PAPOLG: variants seen among roughly 807,000 people sequenced by gnomAD.
The protein encoded by PAPOLG is poly(A) polymerase gamma, also known as PAP-gamma.
In PAPOLG, 40 loss-of-function variants were observed where a neutral mutation model predicts 99.0. The observed-to-expected ratio is 0.40, with a 90% CI of 0.31 to 0.53. The LOEUF is 0.53. Among genes scored for constraint, PAPOLG ranks in the 20% least tolerant of loss-of-function variants. The pLI is 0.41. For missense variants in PAPOLG, 675 were observed against 884.1 expected, an observed-to-expected ratio of 0.76 and a Z score of 3.00; for synonymous variants, 310 against 299.3, an observed-to-expected ratio of 1.04 and a Z score of -0.37.
chr2:60,763,008 G>T (rs1423750420), intron 3 of PAPOLG, among the ~76,000 whole-genome samples: 2 of 150,680 alleles, frequency 1.3e-5, no homozygotes, highest in Non-Finnish European at 3.0e-5. Flanking sequence ...GCAGTGGCAT[G>T]ATCTCACCTC....
chr2:60,776,514 G>A (rs1671026631), intron 8 of PAPOLG, among the ~76,000 whole-genome samples: 1 of 130,472 alleles, frequency 7.7e-6, no homozygotes, highest in South Asian at 2.7e-4. Flanking sequence ...GGCAACCACC[G>A]CCTCCTGGGT....
intron 15 of PAPOLG, among the ~76,000 whole-genome samples, chr2:60,790,576 G>A (rs1292886010): frequency 6.6e-6 from 1 of 152,172 alleles, no homozygotes; most frequent in Non-Finnish European, 1.5e-5. Context: ...CTTATAAGGC[G>A]TGAAAAGCAC....
chr2:60,758,691 A>G (rs1028182668), intron 1 of PAPOLG, among the ~76,000 whole-genome samples: 3 of 152,126 alleles, frequency 2.0e-5, no homozygotes, highest in South Asian at 4.1e-4. Flanking sequence ...GGCCTCCCAG[A>G]GTACTGGGAT....
intron 8 of PAPOLG, among the ~76,000 whole-genome samples, chr2:60,779,046 C>T (rs958715445): frequency 6.6e-6 from 1 of 151,158 alleles, no homozygotes; most frequent in Non-Finnish European, 1.5e-5. Context: ...ATGATTGTGC[C>T]AGTTCACTCC....
chr2:60,795,922 GTGAAA>G (rs1671680504), intron 21 of PAPOLG, among the ~76,000 whole-genome samples: 1 of 152,066 alleles, frequency 6.6e-6, no homozygotes, highest in Non-Finnish European at 1.5e-5. Context: ...GTACAAAAGA[GTGAAA>G]TGACATATCT....
intron 21 of PAPOLG, 133 bp downstream of exon 21, chr2:60,795,153 A>G: frequency 1.3e-6 from 1 of 751,572 alleles, no homozygotes; most frequent in Non-Finnish European, 2.3e-6. Flanking sequence ...AAGGACTAGC[A>G]GTGTAGTTGG....
intron 15 of PAPOLG, among the ~76,000 whole-genome samples, chr2:60,788,648 G>C (rs140021111): frequency 0.035 from 5,265 of 152,168 alleles, 119 homozygotes; most frequent in Middle Eastern, 0.092. Flanking sequence ...AACAAAGAAA[G>C]GAAAGCTCTT....
Position 60,794,888 on chromosome 2 carries a change from GTTTTA to G in PAPOLG, c.2056-70_2056-66del, listed in dbSNP as rs540753470. 242 of 1,583,264 alleles carry G rather than the reference GTTTTA, an allele frequency of 1.5e-4. 1 individual carries two copies. In the African/African-American group the frequency reaches 1.7e-3, roughly 11 times the overall value. ...AGATTTATTTTCAGGTTTTCGTTAG[GTTTTA>G]TTTTAAGTAGAAATAAGTGTTTGCA... On this transcript the variant is annotated intron_variant, in intron 20 of 21. Coordinates refer to ENST00000238714, the MANE Select transcript of PAPOLG (RefSeq NM_022894.4).
chr2:60,795,126 A>AT, intron 21 of PAPOLG, 106 bp downstream of exon 21: 6 of 979,934 alleles, frequency 6.1e-6, no homozygotes, highest in Non-Finnish European at 7.8e-6. Flanking sequence ...AAAAAGTAAG[A>AT]TTTTGTCCCT....
chr2:60,762,919 G>A (rs1044933719), intron 3 of PAPOLG, among the ~76,000 whole-genome samples: 1 of 151,648 alleles, frequency 6.6e-6, no homozygotes, highest in African/African-American at 2.4e-5. Flanking sequence ...GAGCCACCGC[G>A]CCCAGCCTAA....
intron 13 of PAPOLG, among the ~76,000 whole-genome samples, chr2:60,784,787 A>G (rs993426825): frequency 6.6e-6 from 1 of 152,182 alleles, no homozygotes; most frequent in African/African-American, 2.4e-5. Flanking sequence ...TCTGTGCTTC[A>G]TAGCAAAGTT....
intron 1 of PAPOLG, among the ~76,000 whole-genome samples, chr2:60,756,702 C>T (rs933373408): frequency 1.3e-5 from 2 of 152,110 alleles, no homozygotes. Flanking sequence ...CTCGGGGACT[C>T]CGGGAGTCCC....
intron 19 of PAPOLG, 64 bp from the exon 20 acceptor site, chr2:60,794,646 A>C (rs1671642291): frequency 7.3e-7 from 1 of 1,371,220 alleles, no homozygotes; most frequent in African/African-American, 1.5e-5. Context: ...TTTCCAGTTT[A>C]TATAGATTTA....
rs574406236 is a variant in PAPOLG at position 60,791,654 on chromosome 2, G to C, written c.1397-107G>C. 9.2e-4 allele frequency: 1,251 copies of C among 1,367,080 alleles called. 18 individuals are homozygous for C. The highest frequency in any genetic ancestry group is 6.2e-5 in the Non-Finnish European group (63 of 1,012,032). The allele number at this position is 1,367,080 out of a possible 1,614,324, so 84.7% of individuals were successfully genotyped here. ...GAGGGTTGTGGGTGGGTGGGTGGCCGGTGGTGATAGTGGGGAGATAGTAAA... is the reference window on the plus strand; with the variant it reads ...GAGGGTTGTGGGTGGGTGGGTGGCCCGTGGTGATAGTGGGGAGATAGTAAA... On this transcript the variant is annotated intron_variant, in intron 15 of 21. Transcript: ENST00000238714.
intron 1 of PAPOLG, 148 bp from the exon 2 acceptor site, chr2:60,759,986 C>T: frequency 1.4e-6 from 1 of 708,634 alleles, no homozygotes; most frequent in Non-Finnish European, 2.3e-6. Flanking sequence ...ACCCATTTTT[C>T]CTTTACAAGA....
chr2:60,793,432 C>T (rs1160769622), intron 17 of PAPOLG, among the ~76,000 whole-genome samples, 195 bp from the exon 18 acceptor site: 1 of 151,194 alleles, frequency 6.6e-6, no homozygotes, highest in Non-Finnish European at 1.5e-5. Context: ...GATATGATGG[C>T]ACACACCTAT....
Position 60,756,343 on chromosome 2 carries a change from A to G in PAPOLG, c.-136A>G. On this transcript the variant is annotated 5_prime_UTR_variant, in exon 1 of 22. Transcript: ENST00000238714. ...TTTTCACTACTCGGTTGGATGCCTC[A>G]GCCATAGTAAGTGGGAAAGTGAGCG... 5 of 1,089,662 alleles carry G rather than the reference A, an allele frequency of 4.6e-6. No individual in the cohort carries two copies. Among genetic ancestry groups the G allele is most frequent in the South Asian group, 3.9e-5 (3 of 77,908 alleles). 67.5% of individuals were successfully genotyped at this position (1,089,662 alleles called of 1,614,324 possible).
intron 1 of PAPOLG, 135 bp from the exon 2 acceptor site, chr2:60,759,999 G>T (rs1670475198): frequency 2.5e-6 from 2 of 811,478 alleles, no homozygotes; most frequent in African/African-American, 3.5e-5. Context: ...TTACAAGAAA[G>T]TGTCTGCCAC....
In PAPOLG at chr2:60,782,105, C is replaced by T. The variant is rs188805672; in HGVS notation, c.1027+100C>T. The T allele has an allele frequency of 2.8e-5, 33 of 1,182,812 alleles. No individual in the cohort carries two copies. The East Asian group carries it at 7.1e-4, about 26-fold the overall frequency. 73.3% of individuals were successfully genotyped at this position (1,182,812 alleles called of 1,614,324 possible). A position where few individuals can be genotyped will look rare whatever the true frequency, so the allele number is the denominator to read the frequency against. ...TATGGATTGGCAGTTAGAGTTATAC[C>T]TATTCTTTCTAAAAATTCTTTCAAG... On this transcript the variant is annotated intron_variant, in intron 11 of 21. Transcript: ENST00000238714.
Sources: gnomAD v4.1 joint callset for allele counts (sites outside exome capture counted in the v4.1 genomes callset) on GRCh38, gnomAD v4.1.1 for gene constraint, MANE v1.5 for transcripts, NCBI Gene and HGNC (gene_info 2026-07-23, HGNC 2026-07-21) for gene names.